Variants in ABCC3 observed in about 807,000 individuals in gnomAD.
ABCC3 encodes the protein ATP-binding cassette sub-family C member 3.
Under a neutral mutation model 165.3 loss-of-function variants are expected in ABCC3, and 121 were observed. The ratio of observed to expected loss-of-function variants is 0.73; its 90% CI spans 0.63 to 0.85. ABCC3 has a LOEUF of 0.85. Ranked by LOEUF, ABCC3 falls within the 40% of genes least tolerant of loss-of-function variation. ABCC3 has a pLI of 0.00. For synonymous variants in ABCC3, 733 were observed against 810.1 expected (o/e 0.90, Z 1.62); for missense variants, 1,869 against 1,964.1 (o/e 0.95, Z 0.92).
chr17:50,670,376 C>CTG (rs1967622834), intron 17 of ABCC3, among the ~76,000 whole-genome samples: 1 of 152,204 alleles, frequency 6.6e-6, no homozygotes, highest in Non-Finnish European at 1.5e-5. Context: ...AGCACCGTGC[C>CTG]TAGCCTTAAG....
intron 25 of ABCC3, chr17:50,679,202 G>A (rs1048624749): frequency 3.3e-5 from 5 of 152,300 alleles, no homozygotes; most frequent in African/African-American, 7.2e-5. Flanking sequence ...AACTGCAAAC[G>A]GAATTTTTGT....
At chr17:50,663,287 A>G (rs1372243787) in intron 8 of ABCC3, 2 of 221,238 alleles carry the variant, frequency 9.0e-6, no homozygotes, top group African/African-American at 4.6e-5. Flanking sequence ...TTTGAGCGGC[A>G]AGAGTCTTTG....
chr17:50,690,339 G>A (rs1372834917), intron 30 of ABCC3, among the ~76,000 whole-genome samples: 3 of 151,924 alleles, frequency 2.0e-5, no homozygotes, highest in Non-Finnish European at 4.4e-5. Flanking sequence ...GGGATCGGCG[G>A]GAGGGGAGGG....
chr17:50,670,989 G>A (rs989740582), intron 17 of ABCC3, among the ~76,000 whole-genome samples: 8 of 151,860 alleles, frequency 5.3e-5, no homozygotes, highest in African/African-American at 1.7e-4. Context: ...CATCTTGCCC[G>A]GCATGGTGGC....
chr17:50,664,989 G>A (rs548211623), intron 10 of ABCC3, among the ~76,000 whole-genome samples, 164 bp from the exon 11 acceptor site: 3 of 152,276 alleles, frequency 2.0e-5, no homozygotes, highest in Admixed American at 6.5e-5. Flanking sequence ...TTCTACAAAT[G>A]TTGTGGTCAT....
At chr17:50,658,012 C>G (rs1306336739) in intron 4 of ABCC3, 70 bp from the exon 5 acceptor site, 2 of 1,607,440 alleles carry the variant, frequency 1.2e-6, no homozygotes, top group Non-Finnish European at 1.7e-6. Context: ...CCCCAAGGGA[C>G]TCCGCAGGGC....
intron 29 of ABCC3, 63 bp from the exon 30 acceptor site, chr17:50,687,473 G>A: frequency 6.5e-7 from 1 of 1,535,142 alleles, no homozygotes; most frequent in Non-Finnish European, 8.9e-7. Flanking sequence ...ACAGGTCTGG[G>A]AATGAGGCCC....
intron 18 of ABCC3, 79 bp downstream of exon 18, chr17:50,673,217 TG>T (rs1447273721): frequency 3.2e-6 from 5 of 1,560,224 alleles, no homozygotes; most frequent in Non-Finnish European, 4.4e-6. Flanking sequence ...CTGAGGGGTT[TG>T]GATGAGACTT....
intron 23 of ABCC3, among the ~76,000 whole-genome samples, chr17:50,676,892 G>T (rs113459842): frequency 0.6 from 89,302 of 149,964 alleles, 27,973 homozygotes; most frequent in South Asian, 0.79. Flanking sequence ...TTTTTGGGGG[G>T]GGGGGGACGG....
chr17:50,648,500 A>G (rs1967048022), intron 1 of ABCC3, among the ~76,000 whole-genome samples: 1 of 152,276 alleles, frequency 6.6e-6, no homozygotes. Flanking sequence ...ACTGAAGGAT[A>G]GAACCCTCAG....
intron 1 of ABCC3, among the ~76,000 whole-genome samples, chr17:50,639,458 G>A (rs4148408): frequency 0.067 from 10,157 of 152,218 alleles, 353 homozygotes; most frequent in African/African-American, 0.093. Flanking sequence ...CCCAGACAGG[G>A]AAATGGTCTT....
In ABCC3 at chr17:50,667,610, C is replaced by T. The variant is rs750265761; in HGVS notation, c.1488C>T (p.Asn496=). Reference sequence around the variant, plus strand: ...TCAAGCTGATGAGTGAGATCCTGAACGGCATCAAGGTGCTGAAGCTGTACG... The same window carrying T: ...TCAAGCTGATGAGTGAGATCCTGAATGGCATCAAGGTGCTGAAGCTGTACG... The part of the protein sequence containing the change: ...SRIKLMSEIL[N]GIKVLKLYAW... The change falls in exon 12 of 31, where the codon AAC becomes AAT. Residue 496 remains asparagine (N), a synonymous_variant. Transcript: ENST00000285238. 8.7e-6 allele frequency: 14 copies of T among 1,614,124 alleles called. No homozygotes were observed. The highest frequency in any genetic ancestry group is 2.2e-5 in the East Asian group (1 of 44,888).
Position 50,687,226 on chromosome 17 carries a change from A to G in ABCC3, c.4281-310A>G, listed in dbSNP as rs1473215039. 1.0e-5 allele frequency: 4 copies of G among 387,092 alleles called. No individual in the cohort carries two copies. In the East Asian group the frequency reaches 1.3e-4, roughly 13 times the overall value. 24.0% of individuals were successfully genotyped at this position (387,092 alleles called of 1,614,324 possible). A position where few individuals can be genotyped will look rare whatever the true frequency, so the allele number is the denominator to read the frequency against. On this transcript the variant is annotated intron_variant, in intron 29 of 30. Transcript: ENST00000285238. ...GTAAATGGCTGATAGAGTGAAGCAG[A>G]GAAACATCACGGCACTAGCTGAAAA...
Position 50,675,806 on chromosome 17 carries a change from G to A in ABCC3, c.2859+31G>A, listed in dbSNP as rs751150999. On this transcript the variant is annotated intron_variant, in intron 21 of 30. Coordinates refer to ENST00000285238, the MANE Select transcript of ABCC3 (RefSeq NM_003786.4). ...TCGGTGGGGCAAGAGGGGCTGGAGG[G>A]GATGGACAGGCAGGCCCCAGCAGCC... The A allele has an allele frequency of 1.5e-5, 24 of 1,588,616 alleles. 1 individual carries two copies. The South Asian group carries it at 2.4e-4, about 16-fold the overall frequency.
Position 50,673,613 on chromosome 17 carries a change from T to C in ABCC3, c.2554T>C (p.Tyr852His). The C allele has an allele frequency of 2.5e-6, 4 of 1,614,238 alleles. No individual in the cohort carries two copies. Among genetic ancestry groups the C allele is most frequent in the Non-Finnish European group, 3.4e-6 (4 of 1,180,040 alleles). ...NGSFANFLCN[Y>H]APDEDQGHLE... ...CTCCTTTGCCAACTTTCTCTGCAAC[T>C]ATGCCCCCGATGAGGACCAAGGGCA... The change falls in exon 19 of 31, where the codon TAT (tyrosine) becomes CAT (histidine). Residue 852 changes from tyrosine (Y) to histidine (H), a missense_variant. Tyr to His is a moderately conservative substitution (Grantham distance 83). Transcript: ENST00000285238.
Position 50,658,083 on chromosome 17 carries a change from G to T in ABCC3, c.488G>T (p.Gly163Val), listed in dbSNP as rs562961331. 6.2e-7 allele frequency: 1 copy of T among 1,614,176 alleles called. No individual in the cohort carries two copies. Among genetic ancestry groups the T allele is most frequent in the South Asian group, 1.1e-5 (1 of 91,090 alleles). Reference protein sequence around the residue: ...RSKILLAKAEGEISDPFRFTT... With the variant: ...RSKILLAKAEVEISDPFRFTT... ...ACGCCCCTCCACTCTCCCACCCAGG[G>T]TGAGATCTCAGACCCCTTCCGCTTC... is the stretch of plus-strand genomic sequence containing the variant. Residue 163 changes from glycine to valine, a missense_variant and splice_region_variant, in exon 5 of 31, where the codon GGT (glycine) becomes GTT (valine). Coordinates refer to ENST00000285238, the MANE Select transcript of ABCC3 (RefSeq NM_003786.4).
chr17:50,667,206 G>A (rs189973450), intron 11 of ABCC3, among the ~76,000 whole-genome samples: 4 of 152,198 alleles, frequency 2.6e-5, no homozygotes, highest in Non-Finnish European at 5.9e-5. Context: ...GGGCAACACA[G>A]TGAGGCACCA....
intron 1 of ABCC3, among the ~76,000 whole-genome samples, chr17:50,643,365 T>C (rs911186699): frequency 1.2e-4 from 18 of 152,260 alleles, no homozygotes; most frequent in African/African-American, 4.3e-4. Flanking sequence ...TGGCTCACAT[T>C]GTTTGAGCAA....
At chr17:50,648,302 C>T (rs894482696) in intron 1 of ABCC3, among the ~76,000 whole-genome samples, 6 of 152,090 alleles carry the variant, frequency 3.9e-5, no homozygotes, top group Non-Finnish European at 8.8e-5. Flanking sequence ...TCTGTAAAAG[C>T]TCGGGGATTG....
Sources: gnomAD v4.1 joint callset for allele counts (sites outside exome capture counted in the v4.1 genomes callset) on GRCh38, gnomAD v4.1.1 for gene constraint, MANE v1.5 for transcripts, NCBI Gene and HGNC (gene_info 2026-07-23, HGNC 2026-07-21) for gene names.